DDX60: variants seen among roughly 807,000 people sequenced by gnomAD.
DDX60 encodes probable ATP-dependent RNA helicase DDX60.
A neutral mutation model predicts 212.8 loss-of-function variants in DDX60; 165 were observed. The ratio of observed to expected loss-of-function variants is 0.78; its 90% CI spans 0.68 to 0.88. DDX60 has a LOEUF of 0.88. Ranked by LOEUF, DDX60 falls within the 40% of genes least tolerant of loss-of-function variation. The pLI is 0.00. For missense variants in DDX60, 1,905 were observed against 2,003.9 expected, an observed-to-expected ratio of 0.95 and a Z score of 0.94; for synonymous variants, 703 against 685.3, an observed-to-expected ratio of 1.03 and a Z score of -0.40.
intron 36 of DDX60, among the ~76,000 whole-genome samples, chr4:168,221,075 G>A (rs1733034638): frequency 6.6e-6 from 1 of 152,154 alleles, no homozygotes; most frequent in African/African-American, 2.4e-5. Context: ...TTCACAATGA[G>A]TCACTTTTTT....
chr4:168,273,513 C>A (rs994345839), intron 17 of DDX60, 115 bp from the exon 18 acceptor site: 20 of 1,251,606 alleles, frequency 1.6e-5, no homozygotes, highest in Middle Eastern at 2.1e-4. Context: ...AGCTTACTAA[C>A]CCCTTTCATC....
At chr4:168,285,631 C>G (rs1735792716) in intron 10 of DDX60, 133 bp from the exon 11 acceptor site, 1 of 600,542 alleles carries the variant, frequency 1.7e-6, no homozygotes, top group Non-Finnish European at 2.8e-6. Flanking sequence ...TCAAGTTCAG[C>G]CCTTCTCATA....
chr4:168,308,880 T>C (rs1429143092), intron 3 of DDX60, among the ~76,000 whole-genome samples: 1 of 151,978 alleles, frequency 6.6e-6, no homozygotes, highest in African/African-American at 2.4e-5. Context: ...AATTTTAAGT[T>C]ACCTATGTCA....
At chr4:168,302,830 G>A (rs1195089757) in intron 5 of DDX60, among the ~76,000 whole-genome samples, 1 of 152,080 alleles carries the variant, frequency 6.6e-6, no homozygotes, top group Non-Finnish European at 1.5e-5. Context: ...ACACATGAAT[G>A]AAAGATAGCA....
chr4:168,225,405 G>T, intron 34 of DDX60, 124 bp downstream of exon 34: 1 of 1,020,840 alleles, frequency 9.8e-7, no homozygotes, highest in Non-Finnish European at 1.4e-6. Context: ...AAAGGAAAAG[G>T]AATCTCCTCA....
intron 27 of DDX60, among the ~76,000 whole-genome samples, chr4:168,251,631 A>C (rs11723488): frequency 0.13 from 19,204 of 152,174 alleles, 1,740 homozygotes; most frequent in African/African-American, 0.24. Context: ...CGACAAAAAA[A>C]CGCTTCCAAA....
chr4:168,274,186 G>C (rs1735227906), intron 16 of DDX60, 103 bp from the exon 17 acceptor site: 3 of 1,372,956 alleles, frequency 2.2e-6, no homozygotes, highest in Non-Finnish European at 3.0e-6. Flanking sequence ...GAACCTCAAA[G>C]GATCTGTAGG....
At chr4:168,279,615 T>G (rs536964562) in intron 14 of DDX60, among the ~76,000 whole-genome samples, 1 of 152,370 alleles carries the variant, frequency 6.6e-6, no homozygotes, top group South Asian at 2.1e-4. Context: ...TGAGTGATAT[T>G]CGAGACTTCC....
intron 17 of DDX60, 64 bp downstream of exon 17, chr4:168,273,870 G>A: frequency 6.5e-7 from 1 of 1,534,382 alleles, no homozygotes; most frequent in East Asian, 2.3e-5. Context: ...ATGTGACCAT[G>A]TTCATTATTT....
chr4:168,286,905 T>A (rs1735885839), intron 10 of DDX60, 143 bp downstream of exon 10: 2 of 588,026 alleles, frequency 3.4e-6, no homozygotes, highest in East Asian at 6.2e-5. Flanking sequence ...TCCAAGGATA[T>A]AAGAATAAAG....
chr4:168,260,620 C>T (rs933565322), intron 25 of DDX60, among the ~76,000 whole-genome samples: 1 of 152,080 alleles, frequency 6.6e-6, no homozygotes, highest in Non-Finnish European at 1.5e-5. Flanking sequence ...GTTAGATTCT[C>T]ATAAGGAGCA....
intron 32 of DDX60, among the ~76,000 whole-genome samples, chr4:168,236,878 A>G (rs1378694688): frequency 4.0e-5 from 6 of 151,684 alleles, no homozygotes; most frequent in Admixed American, 2.6e-4. Flanking sequence ...ATTCACAAAC[A>G]TTAATAGTGA....
chr4:168,224,389 A>G lies in DDX60; in HGVS notation c.4682-4T>C, dbSNP rs112553793. On this transcript the variant is annotated splice_polypyrimidine_tract_variant and splice_region_variant and intron_variant, in intron 34 of 37. Transcript: ENST00000393743. The stretch of plus-strand genomic sequence containing the variant: ...TCACATTCTTTACCTGTGAATTCTG[A>G]CAATAATAGTTAGGGATAGATTAGT... 1 of 1,611,008 alleles carries G rather than the reference A, an allele frequency of 6.2e-7. No homozygotes were observed. The highest frequency in any genetic ancestry group is 1.1e-5 in the South Asian group (1 of 90,942).
rs1469448692 is a variant in DDX60 at position 168,267,609 on chromosome 4, G to A, written c.3012C>T (p.His1004=). The A allele has an allele frequency of 3.1e-6, 5 of 1,598,566 alleles. No homozygotes were observed. Among genetic ancestry groups the A allele is most frequent in the East Asian group, 2.2e-5 (1 of 44,508 alleles). ...KHGDIHFDHF[H]PCAALTTDHI... is the part of the protein sequence containing the mutation. ...GATCTGTTGTTAGTGCAGCACATGG[G>A]TGAAAATGATCAAAATGAATGTCAC... is the stretch of plus-strand genomic sequence containing the variant. Residue 1004 remains histidine (H), a synonymous_variant, in exon 22 of 38, where the codon CAC becomes CAT. Coordinates refer to ENST00000393743, the MANE Select transcript of DDX60 (RefSeq NM_017631.6).
At chr4:168,263,132 C>T (rs1734693866) in intron 22 of DDX60, among the ~76,000 whole-genome samples, 3 of 152,182 alleles carry the variant, frequency 2.0e-5, no homozygotes, top group Non-Finnish European at 4.4e-5. Context: ...TTACAGCTAA[C>T]ACCAAAACTG....
intron 22 of DDX60, chr4:168,263,670 A>G (rs1336630384): frequency 6.6e-6 from 1 of 152,180 alleles, no homozygotes. Context: ...CCCTTCTGCC[A>G]TGTGAGGGCA....
At chr4:168,294,115 CCT>C (rs1736236065) in intron 6 of DDX60, among the ~76,000 whole-genome samples, 170 bp from the exon 7 acceptor site, 1 of 151,858 alleles carries the variant, frequency 6.6e-6, no homozygotes, top group Admixed American at 6.6e-5. Flanking sequence ...CACATATACC[CCT>C]GAACTTAAAG....
intron 6 of DDX60, among the ~76,000 whole-genome samples, chr4:168,300,075 T>G (rs1736580783): frequency 6.6e-6 from 1 of 152,124 alleles, no homozygotes; most frequent in African/African-American, 2.4e-5. Flanking sequence ...TCCAACACCA[T>G]ATTAAGAAGT....
chr4:168,315,607 T>A (rs1315870408), intron 1 of DDX60, among the ~76,000 whole-genome samples: 1 of 152,186 alleles, frequency 6.6e-6, no homozygotes, highest in Non-Finnish European at 1.5e-5. Context: ...CCCCAGTGTG[T>A]GAGGTTCCCC....
Sources: gnomAD v4.1 joint callset for allele counts (sites outside exome capture counted in the v4.1 genomes callset) on GRCh38, gnomAD v4.1.1 for gene constraint, MANE v1.5 for transcripts, NCBI Gene and HGNC (gene_info 2026-07-23, HGNC 2026-07-21) for gene names.